Variants in ASTN2 observed in about 807,000 individuals in gnomAD.
The protein encoded by ASTN2 is astrotactin 2.
Under a neutral mutation model 139.8 loss-of-function variants are expected in ASTN2, and 54 were observed. That is an observed-to-expected ratio of 0.39 (90% CI 0.31 to 0.48). The LOEUF is 0.48. Among genes scored for constraint, ASTN2 ranks in the 20% least tolerant of loss-of-function variants. The probability of loss-of-function intolerance (pLI) is 0.95; values close to 1 mark genes in which losing one functional copy is unlikely to be tolerated. For synonymous variants in ASTN2, 756 were observed against 719.5 expected, an observed-to-expected ratio of 1.05 and a Z score of -0.81; for missense variants, 1,565 against 1,725.1, an observed-to-expected ratio of 0.91 and a Z score of 1.64.
chr9:116,664,571 A>G (rs1858751721), intron 16 of ASTN2, among the ~76,000 whole-genome samples: 1 of 151,630 alleles, frequency 6.6e-6, no homozygotes, highest in Non-Finnish European at 1.5e-5. Context: ...GTTCTGCAGT[A>G]TATCTTCATT....
At chr9:117,316,015 C>A (rs973256716) in intron 1 of ASTN2, among the ~76,000 whole-genome samples, 4 of 152,296 alleles carry the variant, frequency 2.6e-5, no homozygotes, top group Middle Eastern at 3.4e-3. Flanking sequence ...ATGTAACCTT[C>A]ACAATACTAG....
At chr9:117,368,636 C>A (rs938784391) in intron 1 of ASTN2, among the ~76,000 whole-genome samples, 4 of 152,092 alleles carry the variant, frequency 2.6e-5, no homozygotes, top group African/African-American at 9.7e-5. Context: ...TGAAGGTAAA[C>A]AACTTTCTTT....
At chr9:117,391,545 TCTC>T (rs1564180874) in intron 1 of ASTN2, among the ~76,000 whole-genome samples, 1 of 152,088 alleles carries the variant, frequency 6.6e-6, no homozygotes, top group Non-Finnish European at 1.5e-5. Flanking sequence ...GATTCAATCA[TCTC>T]CTACTGGGTC....
intron 3 of ASTN2, among the ~76,000 whole-genome samples, chr9:117,200,541 T>C (rs904743203): frequency 6.6e-5 from 10 of 152,222 alleles, no homozygotes; most frequent in African/African-American, 2.4e-4. Context: ...GTTCCATCAA[T>C]ATCTAGTTTA....
At chr9:117,025,042 C>T (rs1838018937) in intron 6 of ASTN2, among the ~76,000 whole-genome samples, 2 of 152,088 alleles carry the variant, frequency 1.3e-5, no homozygotes. Flanking sequence ...CCATGTGGAA[C>T]TGTGAGTCAA....
chr9:116,787,156 C>T (rs941116966), intron 13 of ASTN2, among the ~76,000 whole-genome samples: 1 of 152,302 alleles, frequency 6.6e-6, no homozygotes, highest in East Asian at 1.9e-4. Context: ...ACCAAACTGT[C>T]GCAGCCAAGC....
intron 16 of ASTN2, among the ~76,000 whole-genome samples, chr9:116,662,404 C>T (rs1469800354): frequency 6.6e-6 from 1 of 151,086 alleles, no homozygotes; most frequent in African/African-American, 2.5e-5. Flanking sequence ...GAAACCCTGT[C>T]TCCACTAAAA....
At chr9:117,233,889 T>A (rs1294860047) in intron 2 of ASTN2, among the ~76,000 whole-genome samples, 1 of 152,168 alleles carries the variant, frequency 6.6e-6, no homozygotes, top group Non-Finnish European at 1.5e-5. Context: ...CTCTTGTCTC[T>A]CATAAAAAAT....
At position 116,610,202 on chromosome 9, in the gene ASTN2, C is replaced by T. The variant is rs550591174; in HGVS notation, c.3355+8122G>A. 3.3e-5 allele frequency among the ~76,000 whole-genome samples: 5 copies of T among 152,218 alleles called. 1 individual carries two copies. Among genetic ancestry groups the T allele is most frequent in the East Asian group, 1.9e-4 (1 of 5,186 alleles). ...AAATGGTCTAAACACCCCAACTTTA[C>T]GGTCTAAACACCCCAAAGTTAATAA... On this transcript the variant is annotated intron_variant, in intron 19 of 22. Transcript: ENST00000313400.
At chr9:116,460,852 G>A (rs1451070736) in intron 20 of ASTN2, among the ~76,000 whole-genome samples, 2 of 152,130 alleles carry the variant, frequency 1.3e-5, no homozygotes, top group African/African-American at 2.4e-5. Flanking sequence ...CTGTTAGGAG[G>A]ATTCTGTAGC....
At chr9:116,589,234 A>G (rs1854281882) in intron 19 of ASTN2, among the ~76,000 whole-genome samples, 1 of 152,228 alleles carries the variant, frequency 6.6e-6, no homozygotes, top group Non-Finnish European at 1.5e-5. Flanking sequence ...AAGATGTATT[A>G]CTTTTAAAAG....
chr9:116,801,608 AAAAAAGAAAGAAAG>A (rs1564274755), intron 13 of ASTN2, among the ~76,000 whole-genome samples: 92 of 147,916 alleles, frequency 6.2e-4, no homozygotes, highest in African/African-American at 1.7e-3. Flanking sequence ...AAAAAAAAAA[AAAAAAGAAAGAAAG>A]AAAAAGAAAG....
chr9:117,281,425 G>A (rs1834321654), intron 2 of ASTN2, among the ~76,000 whole-genome samples: 1 of 152,218 alleles, frequency 6.6e-6, no homozygotes, highest in Non-Finnish European at 1.5e-5. Context: ...GAAGGAGGGA[G>A]AAAGGTGGAT....
At chr9:116,915,063 T>A (rs1834404577) in intron 10 of ASTN2, among the ~76,000 whole-genome samples, 1 of 152,230 alleles carries the variant, frequency 6.6e-6, no homozygotes, top group South Asian at 2.1e-4. Context: ...AAATGTGAGA[T>A]GTTCTTTGCA....
At chr9:116,815,020 C>A (rs929277077) in intron 12 of ASTN2, among the ~76,000 whole-genome samples, 1 of 152,168 alleles carries the variant, frequency 6.6e-6, no homozygotes, top group Non-Finnish European at 1.5e-5. Context: ...GTAAAATTCA[C>A]GTTCTCCAAC....
chr9:117,255,625 C>G (rs1011359961), intron 2 of ASTN2, among the ~76,000 whole-genome samples: 1 of 152,172 alleles, frequency 6.6e-6, no homozygotes, highest in East Asian at 1.9e-4. Flanking sequence ...GTCTTCCCCC[C>G]ATCCCTCAAG....
At chr9:117,382,887 ACT>A (rs994205769) in intron 1 of ASTN2, among the ~76,000 whole-genome samples, 8 of 152,276 alleles carry the variant, frequency 5.3e-5, no homozygotes, top group African/African-American at 1.9e-4. Flanking sequence ...ACAATAGATG[ACT>A]CTCAAAAATA....
intron 10 of ASTN2, among the ~76,000 whole-genome samples, chr9:116,945,301 G>T (rs892833867): frequency 1.3e-5 from 2 of 152,154 alleles, no homozygotes; most frequent in Admixed American, 6.5e-5. Flanking sequence ...AGAAAGGGAT[G>T]GGGCTCACCT....
At chr9:116,621,291 T>C (rs1053474789) in intron 17 of ASTN2, among the ~76,000 whole-genome samples, 2 of 152,192 alleles carry the variant, frequency 1.3e-5, no homozygotes, top group Non-Finnish European at 2.9e-5. Flanking sequence ...TATAAAACTT[T>C]ATTTACCAAG....
Sources: gnomAD v4.1 joint callset for allele counts (sites outside exome capture counted in the v4.1 genomes callset) on GRCh38, gnomAD v4.1.1 for gene constraint, MANE v1.5 for transcripts, NCBI Gene and HGNC (gene_info 2026-07-23, HGNC 2026-07-21) for gene names.